The following SEMA3C variants were observed in gnomAD, a reference collection of about 807,000 sequenced individuals.
The protein encoded by SEMA3C is semaphorin-3C.
Under a neutral mutation model 89.4 loss-of-function variants are expected in SEMA3C, and 47 were observed. That is an observed-to-expected ratio of 0.53 (90% CI 0.42 to 0.67). SEMA3C has a LOEUF of 0.67. Among genes scored for constraint, SEMA3C ranks in the 30% least tolerant of loss-of-function variants. SEMA3C has a pLI of 0.00. For missense variants in SEMA3C, 839 were observed against 929.1 expected (o/e 0.90, Z 1.26); for synonymous variants, 310 against 320.2 (o/e 0.97, Z 0.34).
At chr7:80,848,840 G>A (rs948103953) in intron 2 of SEMA3C, among the ~76,000 whole-genome samples, 21 of 152,004 alleles carry the variant, frequency 1.4e-4, no homozygotes, top group Admixed American at 9.8e-4. Context: ...CTATGTTTTC[G>A]TTTTATTTTT....
At chr7:80,810,923 C>T (rs1789453317) in intron 5 of SEMA3C, among the ~76,000 whole-genome samples, 1 of 152,046 alleles carries the variant, frequency 6.6e-6, no homozygotes, top group African/African-American at 2.4e-5. Context: ...TATTGCACTC[C>T]CCAGAGAGCT....
chr7:80,853,973 G>A (rs957971689), intron 2 of SEMA3C, among the ~76,000 whole-genome samples: 2 of 151,296 alleles, frequency 1.3e-5, no homozygotes, highest in Admixed American at 6.6e-5. Context: ...GTAAAAAGGA[G>A]ATTCATTTTG....
intron 12 of SEMA3C, among the ~76,000 whole-genome samples, chr7:80,787,390 TA>T (rs1179102219): frequency 0.3 from 29,873 of 99,932 alleles, 4,020 homozygotes; most frequent in Non-Finnish European, 0.33. Context: ...AGACTCCGTT[TA>T]AAAAAAAAAA....
chr7:80,774,650 C>G (rs1302726544), intron 12 of SEMA3C, among the ~76,000 whole-genome samples: 4 of 151,764 alleles, frequency 2.6e-5, no homozygotes, highest in African/African-American at 9.7e-5. Context: ...AACTTGAAGA[C>G]AGATTATAGA....
chr7:80,789,190 G>T, intron 12 of SEMA3C, 116 bp downstream of exon 12: 1 of 779,338 alleles, frequency 1.3e-6, no homozygotes. Context: ...CTAAGGGCTA[G>T]ACAGACGTAA....
chr7:80,755,539 A>ATGGTAAAAGTCCATTTAT (rs1392307116), intron 15 of SEMA3C, among the ~76,000 whole-genome samples: 1 of 151,686 alleles, frequency 6.6e-6, no homozygotes, highest in East Asian at 1.9e-4. Flanking sequence ...CTATACAACT[A>ATGGTAAAAGTCCATTTAT]TGGTAAAAGT....
At chr7:80,907,011 G>A (rs1293992254) in intron 2 of SEMA3C, among the ~76,000 whole-genome samples, 2 of 151,990 alleles carry the variant, frequency 1.3e-5, no homozygotes, top group African/African-American at 4.8e-5. Context: ...CTGTACTTTA[G>A]ATATCAAAAT....
At chr7:80,814,952 T>C (rs1236435775) in intron 5 of SEMA3C, among the ~76,000 whole-genome samples, 1 of 152,148 alleles carries the variant, frequency 6.6e-6, no homozygotes, top group African/African-American at 2.4e-5. Flanking sequence ...GTGCCACAAA[T>C]CATCTGTTAC....
chr7:80,813,831 CATTTT>C (rs935467902), intron 5 of SEMA3C, among the ~76,000 whole-genome samples: 4 of 152,126 alleles, frequency 2.6e-5, no homozygotes, highest in African/African-American at 9.7e-5. Flanking sequence ...TCTGACTTGT[CATTTT>C]ATTTTCAATC....
chr7:80,882,105 C>G (rs73709354), intron 2 of SEMA3C, among the ~76,000 whole-genome samples: 14,488 of 152,170 alleles, frequency 0.095, 1,081 homozygotes, highest in African/African-American at 0.21. Context: ...ATTTTACCAT[C>G]AGCATATAAA....
chr7:80,882,112 TA>T (rs2116104110), intron 2 of SEMA3C, among the ~76,000 whole-genome samples: 1 of 152,252 alleles, frequency 6.6e-6, no homozygotes, highest in South Asian at 2.1e-4. Context: ...CATCAGCATA[TA>T]AAAGAACTAC....
intron 4 of SEMA3C, among the ~76,000 whole-genome samples, chr7:80,824,400 G>A (rs951244728): frequency 2.0e-5 from 3 of 152,098 alleles, no homozygotes; most frequent in African/African-American, 7.2e-5. Flanking sequence ...GTGCTTGTAT[G>A]CACTGTGACC....
At position 80,871,960 on chromosome 7, in the gene SEMA3C, C is replaced by T. The variant is rs562902491; in HGVS notation, c.104-43215G>A. Among the ~76,000 whole-genome samples, 350 of 152,138 alleles carry T rather than the reference C, an allele frequency of 2.3e-3. 1 individual carries two copies. The highest frequency in any genetic ancestry group is 6.8e-3 in the Middle Eastern group (2 of 292). ...AATATAAAAATTTCCTTTTTCACTA[C>T]AAAATAACCTAATACACCATTTTAA... On this transcript the variant is annotated intron_variant, in intron 2 of 17. Coordinates refer to ENST00000265361, the MANE Select transcript of SEMA3C (RefSeq NM_006379.5).
At chr7:80,754,535 A>G (rs1281746162) in intron 15 of SEMA3C, among the ~76,000 whole-genome samples, 1 of 152,190 alleles carries the variant, frequency 6.6e-6, no homozygotes, top group Non-Finnish European at 1.5e-5. Context: ...TCATATGGGA[A>G]TTTACAAAAT....
chr7:80,793,499 A>G (rs776442334), intron 11 of SEMA3C: 9 of 451,556 alleles, frequency 2.0e-5, no homozygotes, highest in Non-Finnish European at 4.4e-6. Flanking sequence ...GTATTCTAGT[A>G]AGAAAGATAG....
At chr7:80,787,136 G>C (rs1788822151) in intron 12 of SEMA3C, among the ~76,000 whole-genome samples, 1 of 152,136 alleles carries the variant, frequency 6.6e-6, no homozygotes, top group Non-Finnish European at 1.5e-5. Context: ...GTTCATGCCT[G>C]TAATCCCAGC....
At chr7:80,861,308 T>A (rs1790765606) in intron 2 of SEMA3C, among the ~76,000 whole-genome samples, 1 of 152,182 alleles carries the variant, frequency 6.6e-6, no homozygotes, top group South Asian at 2.1e-4. Flanking sequence ...AAACTTACTA[T>A]ATATATTACA....
intron 4 of SEMA3C, among the ~76,000 whole-genome samples, chr7:80,821,900 C>T (rs1789756780): frequency 6.6e-6 from 1 of 152,140 alleles, no homozygotes; most frequent in South Asian, 2.1e-4. Context: ...TTCTGATTAG[C>T]AATGAGCAGA....
chr7:80,760,296 G>C (rs1185596215), intron 14 of SEMA3C, among the ~76,000 whole-genome samples: 1 of 152,140 alleles, frequency 6.6e-6, no homozygotes, highest in Non-Finnish European at 1.5e-5. Context: ...CTTGCATACA[G>C]GATTACTATG....
Sources: gnomAD v4.1 joint callset for allele counts (sites outside exome capture counted in the v4.1 genomes callset) on GRCh38, gnomAD v4.1.1 for gene constraint, MANE v1.5 for transcripts, NCBI Gene and HGNC (gene_info 2026-07-23, HGNC 2026-07-21) for gene names.